RADIL: variants seen among roughly 807,000 people sequenced by gnomAD.
RADIL encodes Rap associating with DIL domain.
RADIL carries 99 observed loss-of-function variants against 97.6 expected under a neutral mutation model. That is an observed-to-expected ratio of 1.01 (90% CI 0.86 to 1.20). RADIL has a LOEUF of 1.20. RADIL is among the 50% of genes most tolerant of loss of function. The pLI is 0.00. For synonymous variants in RADIL, 803 were observed against 691.8 expected, an observed-to-expected ratio of 1.16 and a Z score of -2.52; for missense variants, 1,765 against 1,498.9, an observed-to-expected ratio of 1.18 and a Z score of -2.93.
chr7:4,821,714 G>A lies in RADIL; in HGVS notation c.1615+680C>T, dbSNP rs532933686. 7.2e-5 allele frequency among the ~76,000 whole-genome samples: 11 copies of A among 152,192 alleles called. No homozygotes were observed. In the South Asian group the frequency reaches 2.3e-3, roughly 32 times the overall value. On this transcript the variant is annotated intron_variant, in intron 6 of 14. Transcript: ENST00000399583. The surrounding 1 kb of genome is among the most constrained non-coding windows in gnomAD (Gnocchi z 5.2). ...CTACCAAAAATACAAAAACTAGCCG[G>A]GCGAGGTGGCATGCTCCTGTAATCC...
At chr7:4,875,695 G>C (rs1320136433) in intron 2 of RADIL, among the ~76,000 whole-genome samples, 1 of 152,226 alleles carries the variant, frequency 6.6e-6, no homozygotes, top group African/African-American at 2.4e-5. Context: ...GAAATTCTGT[G>C]TCTGACATTG....
At position 4,865,406 on chromosome 7, in the gene RADIL, C is replaced by T. The variant is rs894221766; in HGVS notation, c.535+12199G>A. 9.4e-6 allele frequency: 6 copies of T among 641,334 alleles called. No homozygotes were observed. The South Asian group carries it at 9.4e-5, about 10-fold the overall frequency. The allele number at this position is 641,334 out of a possible 1,614,324, so 39.7% of individuals were successfully genotyped here. A position where few individuals can be genotyped will look rare whatever the true frequency, so the allele number is the denominator to read the frequency against. On this transcript the variant is annotated intron_variant, in intron 2 of 14. Coordinates refer to ENST00000399583, the MANE Select transcript of RADIL (RefSeq NM_018059.5). The stretch of plus-strand genomic sequence containing the variant: ...CCCAAGTTTTATTCAAGAACTCATA[C>T]AAAATATTTCAGATAAATGGAATTT...
intron 2 of RADIL, chr7:4,859,043 TCAAAAC>T (rs1029984353): frequency 5.3e-5 from 8 of 152,308 alleles, no homozygotes; most frequent in Middle Eastern, 6.8e-3. Context: ...TAGTGTGCCA[TCAAAAC>T]CAAAGACCTA....
chr7:4,850,547 G>C (rs1783684248), intron 2 of RADIL, among the ~76,000 whole-genome samples: 1 of 152,226 alleles, frequency 6.6e-6, no homozygotes. Flanking sequence ...AGAAGTCAGA[G>C]AGGTTTGAGG....
In RADIL at chr7:4,797,116, G is replaced by A. The variant is rs1262101062; in HGVS notation, c.*2262C>T. 6.6e-6 allele frequency: 1 copy of A among 152,298 alleles called. No individual in the cohort carries two copies. The highest frequency in any genetic ancestry group is 2.4e-5 in the African/African-American group (1 of 41,458). 9.4% of individuals were successfully genotyped at this position (152,298 alleles called of 1,614,324 possible). A position where few individuals can be genotyped will look rare whatever the true frequency, so the allele number is the denominator to read the frequency against. On this transcript the variant is annotated 3_prime_UTR_variant, in exon 15 of 15. Coordinates refer to ENST00000399583, the MANE Select transcript of RADIL (RefSeq NM_018059.5). The stretch of plus-strand genomic sequence containing the variant: ...GGGAAGTCGTTCTGCTCCACGTGGT[G>A]TCCCCGGGATCACTGGTGGGACTGC...
At chr7:4,836,941 G>T in intron 2 of RADIL, among the ~76,000 whole-genome samples, 1 of 151,834 alleles carries the variant, frequency 6.6e-6, no homozygotes, top group East Asian at 1.9e-4. Flanking sequence ...TCCATCCCCC[G>T]CCAAAAAAAA....
intron 9 of RADIL, among the ~76,000 whole-genome samples, chr7:4,810,149 G>A (rs906030848): frequency 6.7e-6 from 1 of 149,930 alleles, no homozygotes; most frequent in South Asian, 2.1e-4. Flanking sequence ...CACCATGCCC[G>A]GCCTTATTTA....
In RADIL at chr7:4,824,295, G is replaced by T. The variant is rs1429715762; in HGVS notation, c.1455-1741C>A. Among the ~76,000 whole-genome samples the T allele has an allele frequency of 6.6e-6, 1 of 152,244 alleles. No homozygotes were observed. Among genetic ancestry groups the T allele is most frequent in the East Asian group, 1.9e-4 (1 of 5,198 alleles). ...AGTGCCTGACCCCAGTCCCGGGGCA[G>T]AGCCAGGCTCAAGGCTGGACGGCCG... On this transcript the variant is annotated intron_variant, in intron 5 of 14. Transcript: ENST00000399583. The surrounding 1 kb of genome is among the most constrained non-coding windows in gnomAD (Gnocchi z 6.7).
intron 5 of RADIL, among the ~76,000 whole-genome samples, chr7:4,825,926 A>G (rs1439739509): frequency 6.8e-6 from 1 of 146,926 alleles, no homozygotes; most frequent in Admixed American, 6.8e-5. Context: ...GAAATGGTGA[A>G]TATGTTGCAG....
intron 11 of RADIL, 126 bp from the exon 12 acceptor site, chr7:4,802,121 G>A (rs1319339120): frequency 1.2e-5 from 9 of 739,484 alleles, no homozygotes; most frequent in African/African-American, 7.1e-5. Context: ...AAGGACTCCC[G>A]CAGCCTGTGC....
rs1353206163 is a variant in RADIL, at chr7:4,824,122, G to C, written c.1455-1568C>G. On this transcript the variant is annotated intron_variant, in intron 5 of 14. Coordinates refer to ENST00000399583, the MANE Select transcript of RADIL (RefSeq NM_018059.5). The surrounding 1 kb of genome is among the most constrained non-coding windows in gnomAD (Gnocchi z 6.7). ...GATCAAATCACACAGATCTGACTTG[G>C]GTCTGCCTGGGGTGTGGAGGGCGGC... Among the ~76,000 whole-genome samples the C allele has an allele frequency of 1.3e-5, 2 of 152,240 alleles. No homozygotes were observed. Among genetic ancestry groups the C allele is most frequent in the African/African-American group, 4.8e-5 (2 of 41,464 alleles).
At chr7:4,864,141 A>C (rs1016038503) in intron 2 of RADIL, among the ~76,000 whole-genome samples, 4 of 152,266 alleles carry the variant, frequency 2.6e-5, no homozygotes, top group African/African-American at 9.6e-5. Flanking sequence ...TACATGCTCA[A>C]AAACAGCTAT....
chr7:4,876,685 A>G (rs113748969), intron 2 of RADIL, among the ~76,000 whole-genome samples: 34 of 152,352 alleles, frequency 2.2e-4, no homozygotes, highest in African/African-American at 7.7e-4. Context: ...AGTGGGCCCC[A>G]GGCCCCGGGG....
At position 4,817,879 on chromosome 7, in the gene RADIL, C is replaced by A. The variant is rs1477414789; in HGVS notation, c.1616-528G>T. Among the ~76,000 whole-genome samples the A allele has an allele frequency of 1.3e-5, 2 of 152,154 alleles. No homozygotes were observed. The highest frequency in any genetic ancestry group is 2.9e-5 in the Non-Finnish European group (2 of 68,016). On this transcript the variant is annotated intron_variant, in intron 6 of 14. Coordinates refer to ENST00000399583, the MANE Select transcript of RADIL (RefSeq NM_018059.5). The surrounding 1 kb of genome is among the most constrained non-coding windows in gnomAD (Gnocchi z 8.3). ...GGAGCTGAGGCTGGGGGGAGCTGCCCACGGAGTGGTTCCTGCCGTCTGGGT... is the reference window on the plus strand; with the variant it reads ...GGAGCTGAGGCTGGGGGGAGCTGCCAACGGAGTGGTTCCTGCCGTCTGGGT...
At chr7:4,847,321 C>G (rs13232259) in intron 2 of RADIL, among the ~76,000 whole-genome samples, 42,885 of 149,892 alleles carry the variant, frequency 0.29, 6,158 homozygotes, top group South Asian at 0.38. Flanking sequence ...CTCCGTCTCA[C>G]CAAACAACAA....
rs369598312 is a variant in RADIL, at chr7:4,872,488, C to G, written c.535+5117G>C. ...CAGCCCCTGACAAAAACCACATGGCCCTGTCATCGCCCCTCCCCAGTGCAT... is the reference window on the plus strand; with the variant it reads ...CAGCCCCTGACAAAAACCACATGGCGCTGTCATCGCCCCTCCCCAGTGCAT... On this transcript the variant is annotated intron_variant, in intron 2 of 14. Coordinates refer to ENST00000399583, the MANE Select transcript of RADIL (RefSeq NM_018059.5). The surrounding 1 kb of genome is among the most constrained non-coding windows in gnomAD (Gnocchi z 5.8). 2.6e-5 allele frequency among the ~76,000 whole-genome samples: 4 copies of G among 152,086 alleles called. No homozygotes were observed. The highest frequency in any genetic ancestry group is 5.9e-5 in the Non-Finnish European group (4 of 68,036).
chr7:4,831,481 C>T (rs73314495), intron 5 of RADIL, among the ~76,000 whole-genome samples: 7,811 of 149,502 alleles, frequency 0.052, 670 homozygotes, highest in African/African-American at 0.18. Context: ...CAAGCCCGCA[C>T]GACATAAGTT....
rs1783229656 is a variant in RADIL, at chr7:4,834,270, C to T, written c.1416+337G>A. Among the ~76,000 whole-genome samples the T allele has an allele frequency of 6.6e-6, 1 of 152,134 alleles. No homozygotes were observed. The highest frequency in any genetic ancestry group is 2.1e-4 in the South Asian group (1 of 4,826). On this transcript the variant is annotated intron_variant, in intron 4 of 14. Coordinates refer to ENST00000399583, the MANE Select transcript of RADIL (RefSeq NM_018059.5). This position sits in a 1 kb window ranked among gnomAD's most constrained non-coding sequence, Gnocchi z 6.0. ...TCACCTCGGCCTCGTGGTGCCCAGG[C>T]TCAGGGGCAGCTCACTCCTGGCACG... is the stretch of plus-strand genomic sequence containing the variant.
At chr7:4,861,378 T>C in intron 2 of RADIL, 1 of 1,614,218 alleles carries the variant, frequency 6.2e-7, no homozygotes, top group Non-Finnish European at 8.5e-7. Context: ...CTTAAATCTT[T>C]CACTTCCTCC....
Sources: gnomAD v4.1 joint callset for allele counts (sites outside exome capture counted in the v4.1 genomes callset) on GRCh38, gnomAD v4.1.1 for gene constraint, Gnocchi (gnomAD v3.1) non-coding constraint, MANE v1.5 for transcripts, NCBI Gene and HGNC (gene_info 2026-07-23, HGNC 2026-07-21) for gene names.